RSPO2: variants seen among roughly 807,000 people sequenced by gnomAD.
The protein encoded by RSPO2 is R-spondin 2.
Under a neutral mutation model 30.9 loss-of-function variants are expected in RSPO2, and 14 were observed. The ratio of observed to expected loss-of-function variants is 0.45; its 90% CI spans 0.30 to 0.71. The LOEUF is 0.71. Ranked by LOEUF, RSPO2 falls within the 30% of genes least tolerant of loss-of-function variation. The pLI, the probability that RSPO2 is intolerant of heterozygous loss-of-function variation, is 0.08. For synonymous variants in RSPO2, 107 were observed against 96.4 expected, an observed-to-expected ratio of 1.11 and a Z score of -0.64; for missense variants, 264 against 301.9, an observed-to-expected ratio of 0.87 and a Z score of 0.93.
At chr8:108,016,076 T>C (rs1810881368) in intron 2 of RSPO2, among the ~76,000 whole-genome samples, 1 of 152,158 alleles carries the variant, frequency 6.6e-6, no homozygotes, top group African/African-American at 2.4e-5. Context: ...GGAGTGCACG[T>C]CCTGAGGTTG....
intron 2 of RSPO2, among the ~76,000 whole-genome samples, chr8:108,039,170 T>TCCTA (rs888814252): frequency 6.6e-6 from 1 of 152,180 alleles, no homozygotes; most frequent in Non-Finnish European, 1.5e-5. Context: ...TTTTACAGGT[T>TCCTA]CCTAGATCAG....
rs199772174 is a variant in RSPO2, at chr8:107,901,040, A to C, written c.*35T>G. ...AGTAGCTTTGTGCACATTTGCAAAA[A>C]CAAAAACCCCTAAAAATCTACCGGA... On this transcript the variant is annotated 3_prime_UTR_variant, in exon 6 of 6. Transcript: ENST00000276659. 66 of 1,609,108 alleles carry C rather than the reference A, an allele frequency of 4.1e-5. 2 individuals are homozygous for C. The Admixed American group carries it at 9.0e-4, about 22-fold the overall frequency.
At chr8:108,078,935 C>T (rs1479473777) in intron 2 of RSPO2, among the ~76,000 whole-genome samples, 1 of 152,200 alleles carries the variant, frequency 6.6e-6, no homozygotes, top group Non-Finnish European at 1.5e-5. Flanking sequence ...TAAGTCATTA[C>T]ATGCCATGCT....
chr8:107,959,167 G>T (rs1346576814), intron 4 of RSPO2, among the ~76,000 whole-genome samples: 8 of 152,320 alleles, frequency 5.3e-5, no homozygotes, highest in Non-Finnish European at 1.2e-4. Context: ...AAAAGATGGG[G>T]AGCTTGCTTT....
intron 2 of RSPO2, among the ~76,000 whole-genome samples, chr8:108,070,737 CTT>C (rs1054053333): frequency 6.6e-6 from 1 of 152,152 alleles, no homozygotes; most frequent in Non-Finnish European, 1.5e-5. Context: ...AGAGTTCACT[CTT>C]GAGAGTGTTG....
chr8:107,992,763 C>T (rs1814888421), intron 2 of RSPO2, among the ~76,000 whole-genome samples: 2 of 151,982 alleles, frequency 1.3e-5, no homozygotes, highest in Admixed American at 1.3e-4. Flanking sequence ...TGACTGACAG[C>T]AGACTTAGAA....
At chr8:108,071,458 TG>T (rs1812842050) in intron 2 of RSPO2, among the ~76,000 whole-genome samples, 2 of 152,122 alleles carry the variant, frequency 1.3e-5, no homozygotes, top group Non-Finnish European at 2.9e-5. Flanking sequence ...CAGACACCAG[TG>T]GTTTTTCAAA....
intron 2 of RSPO2, among the ~76,000 whole-genome samples, chr8:108,069,828 T>C (rs1168411365): frequency 6.6e-6 from 1 of 152,210 alleles, no homozygotes; most frequent in Non-Finnish European, 1.5e-5. Flanking sequence ...CTTAAGATGA[T>C]ATACTTGCAT....
At chr8:107,956,034 C>T (rs1344402233) in intron 5 of RSPO2, among the ~76,000 whole-genome samples, 5 of 152,176 alleles carry the variant, frequency 3.3e-5, no homozygotes, top group Non-Finnish European at 2.9e-5. Context: ...AAGAAAGGAA[C>T]TTTTCTCTCT....
intron 3 of RSPO2, among the ~76,000 whole-genome samples, chr8:107,977,415 A>T (rs1814254836): frequency 6.6e-6 from 1 of 152,230 alleles, no homozygotes. Context: ...GTGTTTTAAC[A>T]GGTGGTTCTG....
chr8:108,045,776 A>C (rs1586654908), intron 2 of RSPO2, among the ~76,000 whole-genome samples: 1 of 152,118 alleles, frequency 6.6e-6, no homozygotes, highest in Non-Finnish European at 1.5e-5. Context: ...AAAGACTTAC[A>C]TTAGTGTGTT....
At chr8:108,072,913 T>C (rs1280205703) in intron 2 of RSPO2, 1 of 152,206 alleles carries the variant, frequency 6.6e-6, no homozygotes, top group Admixed American at 6.5e-5. Flanking sequence ...CAACTCCAAA[T>C]TTCACCAGTT....
intron 2 of RSPO2, among the ~76,000 whole-genome samples, chr8:107,999,767 A>G (rs1815165773): frequency 6.6e-6 from 1 of 152,016 alleles, no homozygotes; most frequent in Non-Finnish European, 1.5e-5. Flanking sequence ...TGGGGGAGAA[A>G]GTTAGAGTCA....
At chr8:107,920,925 C>A (rs1812145136) in intron 5 of RSPO2, among the ~76,000 whole-genome samples, 1 of 152,038 alleles carries the variant, frequency 6.6e-6, no homozygotes, top group Non-Finnish European at 1.5e-5. Flanking sequence ...TAAAATGGTA[C>A]AACCTGTCTG....
rs1045668907 is a variant in RSPO2, at chr8:107,936,541, G to A, written c.616+21539C>T. Among the ~76,000 whole-genome samples the A allele has an allele frequency of 6.6e-5, 10 of 152,050 alleles. No homozygotes were observed. In the South Asian group the frequency reaches 8.3e-4, roughly 13 times the overall value. On this transcript the variant is annotated intron_variant, in intron 5 of 5. Transcript: ENST00000276659. Reference sequence around the variant, plus strand: ...CAGTTTTTTGAGAACTCTCCATACCGTTTTCTATAGTGGTTGTATTAATTT... The same window carrying A: ...CAGTTTTTTGAGAACTCTCCATACCATTTTCTATAGTGGTTGTATTAATTT...
intron 3 of RSPO2, among the ~76,000 whole-genome samples, chr8:107,970,168 T>C (rs1056268427): frequency 2.6e-5 from 4 of 152,220 alleles, no homozygotes; most frequent in African/African-American, 9.6e-5. Flanking sequence ...ATGTCTGTCA[T>C]AACACAAAAT....
At chr8:107,959,060 A>G (rs1178900905) in intron 4 of RSPO2, among the ~76,000 whole-genome samples, 3 of 152,210 alleles carry the variant, frequency 2.0e-5, no homozygotes, top group African/African-American at 7.2e-5. Flanking sequence ...AGAAGACACT[A>G]TTTCCTGTCA....
chr8:107,929,776 T>C (rs1452366203), intron 5 of RSPO2, among the ~76,000 whole-genome samples: 2 of 152,208 alleles, frequency 1.3e-5, no homozygotes, highest in Non-Finnish European at 2.9e-5. Flanking sequence ...TTTTCTTCTA[T>C]TTCTTCCACC....
chr8:108,035,685 A>T (rs188791477), intron 2 of RSPO2, among the ~76,000 whole-genome samples: 185 of 152,086 alleles, frequency 1.2e-3, no homozygotes, highest in African/African-American at 4.2e-3. Context: ...GTTAGCCAGG[A>T]TGGTTTCGAT....
Sources: gnomAD v4.1 joint callset for allele counts (sites outside exome capture counted in the v4.1 genomes callset) on GRCh38, gnomAD v4.1.1 for gene constraint, MANE v1.5 for transcripts, NCBI Gene and HGNC (gene_info 2026-07-23, HGNC 2026-07-21) for gene names.